RYK: variants seen among roughly 807,000 people sequenced by gnomAD.
RYK encodes the protein receptor like tyrosine kinase.
A neutral mutation model predicts 70.2 loss-of-function variants in RYK; 21 were observed. The ratio of observed to expected loss-of-function variants is 0.30; its 90% CI spans 0.21 to 0.43. The LOEUF is 0.43. Among genes scored for constraint, RYK ranks in the 20% least tolerant of loss-of-function variants. The pLI is 1.00. For missense variants in RYK, 604 were observed against 753.3 expected (o/e 0.80, Z 2.32); for synonymous variants, 267 against 278.0 (o/e 0.96, Z 0.39).
At position 134,202,841 on chromosome 3, in the gene RYK, G is replaced by A. The variant is rs1386653374; in HGVS notation, c.677C>T (p.Thr226Met). 8.7e-6 allele frequency: 14 copies of A among 1,613,576 alleles called. No homozygotes were observed. Among genetic ancestry groups the A allele is most frequent in the South Asian group, 2.2e-5 (2 of 91,014 alleles). Reference protein sequence around the residue: ...DPVHAAPTTSTRVFYISVGVC... With the variant: ...DPVHAAPTTSMRVFYISVGVC... ...CCCTACACTAATATAAAACACACGCGTAGAAGTGGTTGGAGCTGCATGTAC... is the reference window on the plus strand; with the variant it reads ...CCCTACACTAATATAAAACACACGCATAGAAGTGGTTGGAGCTGCATGTAC... The change falls in exon 6 of 15, where the codon ACG becomes ATG. Residue 226 changes from threonine (T) to methionine (M), a missense_variant. By Grantham distance (81) the Thr-to-Met change is moderately conservative. Coordinates refer to ENST00000623711, the MANE Select transcript of RYK (RefSeq NM_002958.4).
chr3:134,201,829 A>T (rs2014033168), intron 6 of RYK, among the ~76,000 whole-genome samples: 2 of 152,216 alleles, frequency 1.3e-5, no homozygotes, highest in African/African-American at 4.8e-5. Context: ...GCTTTCAAAG[A>T]AGTCACAAAG....
intron 13 of RYK, among the ~76,000 whole-genome samples, chr3:134,167,769 CA>C (rs2012732324): frequency 1.3e-5 from 2 of 152,144 alleles, no homozygotes; most frequent in South Asian, 4.1e-4. Context: ...CCAAAATTGA[CA>C]AATGGGATCT....
intron 1 of RYK, among the ~76,000 whole-genome samples, chr3:134,238,706 G>C (rs1405038577): frequency 1.3e-5 from 2 of 152,034 alleles, no homozygotes; most frequent in Admixed American, 1.3e-4. Flanking sequence ...ATACAAGCAA[G>C]GACACTGAAA....
intron 11 of RYK, among the ~76,000 whole-genome samples, chr3:134,176,717 C>T (rs924605185): frequency 2.6e-5 from 4 of 151,882 alleles, no homozygotes; most frequent in African/African-American, 9.7e-5. Flanking sequence ...CTGCCCTCTA[C>T]CCTTGGTGAC....
chr3:134,200,569 T>C (rs1231260344), intron 6 of RYK, among the ~76,000 whole-genome samples: 1 of 152,208 alleles, frequency 6.6e-6, no homozygotes, highest in South Asian at 2.1e-4. Flanking sequence ...TACTAGCATA[T>C]TGCAACTTTA....
intron 7 of RYK, among the ~76,000 whole-genome samples, chr3:134,194,361 A>T (rs2013747444): frequency 6.6e-6 from 1 of 152,170 alleles, no homozygotes; most frequent in Non-Finnish European, 1.5e-5. Context: ...ATTCATTTTG[A>T]TGATCAAATG....
chr3:134,183,111 T>C, intron 9 of RYK, 40 bp from the exon 10 acceptor site: 1 of 1,188,838 alleles, frequency 8.4e-7, no homozygotes. Flanking sequence ...ATAATAATAC[T>C]ACATATATGG....
At chr3:134,179,512 AG>A (rs1162000673) in intron 10 of RYK, 1 of 152,244 alleles carries the variant, frequency 6.6e-6, no homozygotes, top group Non-Finnish European at 1.5e-5. Context: ...TTTATATGCA[AG>A]GAAATCCACG....
chr3:134,163,571 T>A (rs998109378), intron 13 of RYK, among the ~76,000 whole-genome samples: 1 of 151,986 alleles, frequency 6.6e-6, no homozygotes, highest in African/African-American at 2.4e-5. Context: ...CATATATGAA[T>A]GTGACTTGTC....
intron 1 of RYK, among the ~76,000 whole-genome samples, chr3:134,229,467 A>C (rs1396689662): frequency 2.0e-5 from 3 of 152,094 alleles, no homozygotes; most frequent in Non-Finnish European, 4.4e-5. Flanking sequence ...CAGAACATAA[A>C]GCAACCAGAA....
chr3:134,207,457 T>C lies in RYK; in HGVS notation c.643+15A>G. 1 of 1,500,802 alleles carries C rather than the reference T, an allele frequency of 6.7e-7. No individual in the cohort carries two copies. The highest frequency in any genetic ancestry group is 9.0e-7 in the Non-Finnish European group (1 of 1,111,476). 93.0% of individuals were successfully genotyped at this position (1,500,802 alleles called of 1,614,324 possible). ...CATTTCTAATAATGGATAAAGATAA[T>C]ACAGTAACACTTACAAATAGTTCTG... On this transcript the variant is annotated intron_variant, in intron 5 of 14. Transcript: ENST00000623711.
rs201219764 is a variant in RYK at position 134,204,579 on chromosome 3, A to ACACAGC, written c.644-1711_644-1706dup. Among the ~76,000 whole-genome samples, 94 of 130,070 alleles carry ACACAGC rather than the reference A, an allele frequency of 7.2e-4. 2 individuals carry two copies. Among genetic ancestry groups the ACACAGC allele is most frequent in the Middle Eastern group, 3.8e-3 (1 of 262 alleles). 85.3% of individuals were successfully genotyped at this position (130,070 alleles called of 152,430 possible). On this transcript the variant is annotated intron_variant, in intron 5 of 14. Coordinates refer to ENST00000623711, the MANE Select transcript of RYK (RefSeq NM_002958.4). ...CAGCAACAGGGAAAATAACCCAATG[A>ACACAGC]CACAGCCACAGCCACACACACACAC...
intron 1 of RYK, 140 bp from the exon 2 acceptor site, chr3:134,222,679 T>C: frequency 1.5e-6 from 1 of 673,588 alleles, no homozygotes; most frequent in Non-Finnish European, 2.4e-6. Flanking sequence ...ATGGGCTGCC[T>C]TATGAAGCAA....
Position 134,222,486 on chromosome 3 carries a change from G to C in RYK, c.286C>G (p.Leu96Val), listed in dbSNP as rs1339367013. 6.2e-7 allele frequency: 1 copy of C among 1,613,310 alleles called. No homozygotes were observed. Among genetic ancestry groups the C allele is most frequent in the Non-Finnish European group, 8.5e-7 (1 of 1,179,436 alleles). Residue 96 changes from leucine to valine, a missense_variant, in exon 2 of 15, where the codon CTA (leucine) becomes GTA (valine). By Grantham distance (32) the Leu-to-Val change is conservative (BLOSUM62 1). Transcript: ENST00000623711. ...CTGGGTACTAACAGACTAAAGGATA[G>C]AGCGTAGTGACTAATAAGGTCATTT... is the stretch of plus-strand genomic sequence containing the variant. ...VRNDLISHYA[L>V]SFSLLVPSET...
At chr3:134,175,895 A>C in intron 12 of RYK, 35 bp downstream of exon 12, 3 of 1,551,428 alleles carry the variant, frequency 1.9e-6, no homozygotes, top group Non-Finnish European at 2.7e-6. Flanking sequence ...GAAGCACTCT[A>C]CATCAAGTGA....
chr3:134,238,747 A>T (rs1325517189), intron 1 of RYK, among the ~76,000 whole-genome samples: 4 of 152,248 alleles, frequency 2.6e-5, no homozygotes, highest in African/African-American at 9.6e-5. Flanking sequence ...CACATGGTCA[A>T]AAAGTTAAGT....
At position 134,168,089 on chromosome 3, in the gene RYK, T is replaced by C. The variant is rs945215825; in HGVS notation, c.1575+7520A>G. 1.1e-4 allele frequency among the ~76,000 whole-genome samples: 16 copies of C among 152,308 alleles called. No individual in the cohort carries two copies. The East Asian group carries it at 3.1e-3, about 29-fold the overall frequency. On this transcript the variant is annotated intron_variant, in intron 13 of 14. Transcript: ENST00000623711. ...CAATGAGATACCATCTCACACCAGT[T>C]AGAATGGCAATCATTAAAAAGTCAG...
chr3:134,206,945 G>A (rs1207427799), intron 5 of RYK, among the ~76,000 whole-genome samples: 5 of 151,562 alleles, frequency 3.3e-5, no homozygotes, highest in African/African-American at 4.9e-5. Flanking sequence ...TAACACTACC[G>A]CAAGAAGAGT....
chr3:134,163,439 T>C (rs1352587567), intron 13 of RYK, among the ~76,000 whole-genome samples: 1 of 152,230 alleles, frequency 6.6e-6, no homozygotes, highest in African/African-American at 2.4e-5. Context: ...AGATTGTGGC[T>C]ATCTCCATTT....
Sources: gnomAD v4.1 joint callset for allele counts (sites outside exome capture counted in the v4.1 genomes callset) on GRCh38, gnomAD v4.1.1 for gene constraint, MANE v1.5 for transcripts, NCBI Gene and HGNC (gene_info 2026-07-23, HGNC 2026-07-21) for gene names.